KCNH5: variants seen among roughly 807,000 people sequenced by gnomAD.
KCNH5 encodes the protein potassium voltage-gated channel subfamily H member 5, also known as voltage-gated delayed rectifier potassium channel KCNH5.
A neutral mutation model predicts 96.1 loss-of-function variants in KCNH5; 46 were observed. The observed-to-expected ratio is 0.48, with a 90% CI of 0.38 to 0.61. The LOEUF (loss-of-function observed/expected upper bound fraction) is 0.61. Ranked by LOEUF, KCNH5 falls within the 20% of genes least tolerant of loss-of-function variation. The pLI is 0.00. For missense variants in KCNH5, 907 were observed against 1,225.8 expected (o/e 0.74, Z 3.88); for synonymous variants, 439 against 449.8 (o/e 0.98, Z 0.30).
intron 6 of KCNH5, among the ~76,000 whole-genome samples, chr14:62,956,845 T>C (rs1167755174): frequency 1.3e-5 from 2 of 152,188 alleles, no homozygotes; most frequent in Admixed American, 6.5e-5. Context: ...TTTATAACAA[T>C]GTTTTGATGC....
At chr14:62,731,594 C>T (rs369468913) in intron 10 of KCNH5, among the ~76,000 whole-genome samples, 5 of 152,128 alleles carry the variant, frequency 3.3e-5, no homozygotes, top group South Asian at 2.1e-4. Flanking sequence ...CTTTAATCTT[C>T]AGAAGATATT....
At chr14:62,758,868 A>G (rs1197857836) in intron 10 of KCNH5, among the ~76,000 whole-genome samples, 1 of 152,194 alleles carries the variant, frequency 6.6e-6, no homozygotes, top group Admixed American at 6.5e-5. Flanking sequence ...GGTGGAAGAC[A>G]CTGCTTGAGG....
At chr14:62,923,516 T>C (rs1372902411) in intron 7 of KCNH5, among the ~76,000 whole-genome samples, 1 of 151,872 alleles carries the variant, frequency 6.6e-6, no homozygotes, top group African/African-American at 2.4e-5. Context: ...GCTAAAGCAA[T>C]CTTGTGCAAA....
intron 8 of KCNH5, among the ~76,000 whole-genome samples, chr14:62,847,415 C>T (rs1422620264): frequency 6.6e-6 from 1 of 152,074 alleles, no homozygotes; most frequent in Non-Finnish European, 1.5e-5. Context: ...CCTTCCTTCT[C>T]TTTCCTTCAG....
intron 6 of KCNH5, among the ~76,000 whole-genome samples, chr14:62,953,847 C>T (rs1890051728): frequency 6.6e-6 from 1 of 152,178 alleles, no homozygotes; most frequent in Admixed American, 6.5e-5. Flanking sequence ...CTTGCTTCCT[C>T]TAATTCACAG....
chr14:62,727,686 A>G (rs1884959786), intron 10 of KCNH5, among the ~76,000 whole-genome samples: 1 of 151,846 alleles, frequency 6.6e-6, no homozygotes, highest in African/African-American at 2.4e-5. Flanking sequence ...TAATTCATCA[A>G]ACATTTATAG....
At chr14:62,712,102 T>C (rs139353687) in intron 10 of KCNH5, 2 of 152,852 alleles carry the variant, frequency 1.3e-5, no homozygotes, top group African/African-American at 4.8e-5. Context: ...CATGAGGCGA[T>C]TTATCACCCA....
chr14:62,929,949 G>T (rs1228570986), intron 7 of KCNH5, among the ~76,000 whole-genome samples: 1 of 152,050 alleles, frequency 6.6e-6, no homozygotes, highest in Non-Finnish European at 1.5e-5. Context: ...CCAAGTTGCT[G>T]CAAAAGACAT....
intron 7 of KCNH5, among the ~76,000 whole-genome samples, chr14:62,876,260 A>G (rs974596116): frequency 6.6e-6 from 1 of 152,350 alleles, no homozygotes; most frequent in African/African-American, 2.4e-5. Context: ...AACATATTTA[A>G]TAGTGAAAGA....
intron 9 of KCNH5, among the ~76,000 whole-genome samples, chr14:62,799,481 G>A (rs1275540021): frequency 6.8e-6 from 1 of 147,988 alleles, no homozygotes; most frequent in East Asian, 2.0e-4. Flanking sequence ...TCTGAGGCAG[G>A]AGAATTGCTT....
chr14:62,885,663 G>A (rs1005437696), intron 7 of KCNH5, among the ~76,000 whole-genome samples: 5 of 152,204 alleles, frequency 3.3e-5, no homozygotes, highest in Non-Finnish European at 5.9e-5. Context: ...AAATGGCATG[G>A]CCAGTGCCTT....
chr14:63,006,192 T>C (rs1465622126), intron 3 of KCNH5, among the ~76,000 whole-genome samples, 174 bp downstream of exon 3: 1 of 152,168 alleles, frequency 6.6e-6, no homozygotes, highest in Non-Finnish European at 1.5e-5. Flanking sequence ...TTACTTTCCA[T>C]AGGTAGAATT....
chr14:62,986,371 A>G (rs746855169), intron 5 of KCNH5, among the ~76,000 whole-genome samples: 1 of 152,152 alleles, frequency 6.6e-6, no homozygotes, highest in African/African-American at 2.4e-5. Flanking sequence ...TGAGACACCA[A>G]CCACCACCAT....
At chr14:62,859,560 A>G (rs1251864341) in intron 7 of KCNH5, among the ~76,000 whole-genome samples, 1 of 152,086 alleles carries the variant, frequency 6.6e-6, no homozygotes, top group East Asian at 1.9e-4. Context: ...TCTTCCCCAA[A>G]TTTCTTTGTC....
intron 1 of KCNH5, among the ~76,000 whole-genome samples, chr14:63,033,637 G>A (rs1489265011): frequency 6.6e-6 from 1 of 152,074 alleles, no homozygotes; most frequent in Non-Finnish European, 1.5e-5. Flanking sequence ...GTGTCTATTT[G>A]TTCATTACTG....
chr14:63,001,833 G>A (rs768847340), intron 3 of KCNH5, among the ~76,000 whole-genome samples: 10 of 152,122 alleles, frequency 6.6e-5, no homozygotes, highest in Non-Finnish European at 1.5e-4. Flanking sequence ...CTTACCAATT[G>A]TGATCACTCC....
At chr14:62,816,462 G>C (rs1434003085) in intron 8 of KCNH5, among the ~76,000 whole-genome samples, 1 of 151,368 alleles carries the variant, frequency 6.6e-6, no homozygotes, top group African/African-American at 2.4e-5. Context: ...GACCCTGATC[G>C]ATATGTTTTC....
At chr14:62,863,692 TTA>T (rs1464853723) in intron 7 of KCNH5, among the ~76,000 whole-genome samples, 3 of 152,130 alleles carry the variant, frequency 2.0e-5, no homozygotes, top group Non-Finnish European at 4.4e-5. Flanking sequence ...CACTGAAATT[TTA>T]TATGCTATAT....
chr14:63,005,338 G>C (rs999639699), intron 3 of KCNH5, among the ~76,000 whole-genome samples: 1 of 152,176 alleles, frequency 6.6e-6, no homozygotes, highest in Admixed American at 6.5e-5. Context: ...CTAATAAAAA[G>C]AGAAATCGAA....
Sources: gnomAD v4.1 joint callset for allele counts (sites outside exome capture counted in the v4.1 genomes callset) on GRCh38, gnomAD v4.1.1 for gene constraint, MANE v1.5 for transcripts, NCBI Gene and HGNC (gene_info 2026-07-23, HGNC 2026-07-21) for gene names.